SSPN: variants seen among roughly 807,000 people sequenced by gnomAD.
The protein encoded by SSPN is K-ras oncogene-associated protein.
SSPN carries 15 observed loss-of-function variants against 19.1 expected under a neutral mutation model. That is an observed-to-expected ratio of 0.78 (90% confidence interval 0.52 to 1.21). SSPN has a LOEUF of 1.21. Ranked by LOEUF, SSPN falls within the 50% of genes most tolerant of loss-of-function variation. The pLI, the probability that SSPN is intolerant of heterozygous loss-of-function variation, is 0.00. For missense variants in SSPN, 291 were observed against 314.0 expected, an observed-to-expected ratio of 0.93 and a Z score of 0.55; for synonymous variants, 147 against 140.3, an observed-to-expected ratio of 1.05 and a Z score of -0.34.
At chr12:26,124,482 A>C (rs1050367438) in intron 1 of SSPN, 1 of 1,592,778 alleles carries the variant, frequency 6.3e-7, no homozygotes. Context: ...TTAACTACCC[A>C]TGCAGGTTAT....
At chr12:26,217,010 A>T (rs1411145483) in intron 1 of SSPN, among the ~76,000 whole-genome samples, 3 of 147,346 alleles carry the variant, frequency 2.0e-5, no homozygotes. Flanking sequence ...AGGTAGTGTG[A>T]TGCCTCCAGC....
In SSPN at chr12:26,233,452, A is replaced by G. The variant is rs1945256984; in HGVS notation, c.*2376A>G. On this transcript the variant is annotated 3_prime_UTR_variant, in exon 3 of 3. Coordinates refer to ENST00000242729, the MANE Select transcript of SSPN (RefSeq NM_005086.5). The surrounding 1 kb of genome is among the most constrained non-coding windows in gnomAD (Gnocchi z 4.3). ...CTTAAGTCCCCAAGGAAAAAAAATC[A>G]TAAACAAATAGAAAGAACTAAACAG... 6.6e-6 allele frequency: 1 copy of G among 152,100 alleles called. No homozygotes were observed. Among genetic ancestry groups the G allele is most frequent in the Admixed American group, 6.6e-5 (1 of 15,264 alleles). 9.4% of individuals were successfully genotyped at this position (152,100 alleles called of 1,614,324 possible).
chr12:26,139,255 A>C (rs1944445969), intron 1 of SSPN, among the ~76,000 whole-genome samples: 1 of 152,194 alleles, frequency 6.6e-6, no homozygotes, highest in Non-Finnish European at 1.5e-5. Context: ...CTATGAGTGC[A>C]ATTAATTCCC....
Position 26,122,156 on chromosome 12 carries a change from G to A in SSPN, c.-31+4G>A, listed in dbSNP as rs562259562. 5.2e-6 allele frequency: 8 copies of A among 1,541,342 alleles called. No individual in the cohort carries two copies. In the South Asian group the frequency reaches 6.0e-5, roughly 12 times the overall value. The stretch of plus-strand genomic sequence containing the variant: ...CGCGGGGCCCGGCGAAGGGCAGGTG[G>A]GTGCGGCCGTGCGGGTGCTGGGGGT... On this transcript the variant is annotated splice_donor_region_variant and intron_variant, in intron 1 of 2. Transcript: ENST00000538142.
At chr12:26,205,438 A>C (rs1474297875) in intron 1 of SSPN, among the ~76,000 whole-genome samples, 2 of 152,112 alleles carry the variant, frequency 1.3e-5, no homozygotes, top group Non-Finnish European at 2.9e-5. Flanking sequence ...TAAGTGGGGG[A>C]AAAAACACTT....
In SSPN at chr12:26,211,891, C is replaced by T. The variant is rs531843320; in HGVS notation, c.280-12402C>T. Reference sequence around the variant, plus strand: ...AAGTAGTTTCAAACAATGACAAAACCTACCACTTTGAATTAGAAAGCATGT... The same window carrying T: ...AAGTAGTTTCAAACAATGACAAAACTTACCACTTTGAATTAGAAAGCATGT... On this transcript the variant is annotated intron_variant, in intron 1 of 2. Coordinates refer to ENST00000242729, the MANE Select transcript of SSPN (RefSeq NM_005086.5). Among the ~76,000 whole-genome samples, 10 of 152,280 alleles carry T rather than the reference C, an allele frequency of 6.6e-5. No homozygotes were observed. The South Asian group carries it at 1.9e-3, about 28-fold the overall frequency.
chr12:26,210,240 A>G (rs1182966718), intron 1 of SSPN, among the ~76,000 whole-genome samples: 2 of 152,092 alleles, frequency 1.3e-5, no homozygotes, highest in Admixed American at 6.6e-5. Context: ...CAGACTTTAT[A>G]TCATTTTATT....
At chr12:26,205,405 C>G (rs1361284740) in intron 1 of SSPN, among the ~76,000 whole-genome samples, 1 of 152,116 alleles carries the variant, frequency 6.6e-6, no homozygotes, top group Admixed American at 6.6e-5. Flanking sequence ...CTTTGACGAG[C>G]GAGAGAATTT....
chr12:26,224,401 T>C, intron 2 of SSPN, 22 bp downstream of exon 2: 4 of 1,554,430 alleles, frequency 2.6e-6, no homozygotes, highest in Non-Finnish European at 3.6e-6. Flanking sequence ...TTGTTCTTTC[T>C]CTTTTATCAT....
At chr12:26,174,137 AAAAT>A (rs1246804732) in intron 1 of SSPN, among the ~76,000 whole-genome samples, 1 of 152,202 alleles carries the variant, frequency 6.6e-6, no homozygotes, top group Non-Finnish European at 1.5e-5. Context: ...GTAAAGGTGA[AAAAT>A]AAATCAGGAA....
At chr12:26,156,455 G>A (rs1419413964) in intron 1 of SSPN, among the ~76,000 whole-genome samples, 1 of 152,074 alleles carries the variant, frequency 6.6e-6, no homozygotes, top group East Asian at 1.9e-4. Context: ...GAGAAAGGGA[G>A]GACCACAGAG....
At chr12:26,122,482 C>G in intron 1 of SSPN, 1 of 1,329,388 alleles carries the variant, frequency 7.5e-7, no homozygotes, top group Non-Finnish European at 9.7e-7. Flanking sequence ...CAGAAGGGGG[C>G]CGCGGCGGCC....
intron 1 of SSPN, among the ~76,000 whole-genome samples, chr12:26,179,062 A>C (rs775749062): frequency 6.6e-6 from 1 of 152,172 alleles, no homozygotes; most frequent in Non-Finnish European, 1.5e-5. Context: ...GCAAAGTTGA[A>C]GCCCTGGGAA....
rs549460045 is a variant in SSPN, at chr12:26,234,372, A to T, written c.*3296A>T. 9 of 152,272 alleles carry T rather than the reference A, an allele frequency of 5.9e-5. No homozygotes were observed. In the South Asian group the frequency reaches 1.9e-3, roughly 32 times the overall value. 9.4% of individuals were successfully genotyped at this position (152,272 alleles called of 1,614,324 possible). ...TCTGAACCGTTGCTACATAGCCATA[A>T]ATTTCTGTAAATCATGTTGGCTATC... is the stretch of plus-strand genomic sequence containing the variant. On this transcript the variant is annotated 3_prime_UTR_variant, in exon 3 of 3. Transcript: ENST00000242729.
chr12:26,135,520 T>A (rs1258989985), intron 1 of SSPN, among the ~76,000 whole-genome samples: 3 of 152,064 alleles, frequency 2.0e-5, no homozygotes, highest in Non-Finnish European at 4.4e-5. Context: ...GCGCTACGAA[T>A]GTGGAGGAAT....
rs557164123 is a variant in SSPN, at chr12:26,233,692, A to G, written c.*2616A>G. ...TACATTTAAAATCTGACAAGGCGCC[A>G]AGATGGTGACTGTCTCCTCTAAACC... On this transcript the variant is annotated 3_prime_UTR_variant, in exon 3 of 3. Coordinates refer to ENST00000242729, the MANE Select transcript of SSPN (RefSeq NM_005086.5). The surrounding 1 kb of genome is among the most constrained non-coding windows in gnomAD (Gnocchi z 4.3). The G allele has an allele frequency of 2.0e-5, 3 of 152,234 alleles. No individual in the cohort carries two copies. Among genetic ancestry groups the G allele is most frequent in the Admixed American group, 1.3e-4 (2 of 15,284 alleles). The allele number at this position is 152,234 out of a possible 1,614,324, so 9.4% of individuals were successfully genotyped here.
chr12:26,125,530 T>A (rs1279132017), intron 1 of SSPN: 2 of 154,018 alleles, frequency 1.3e-5, no homozygotes, highest in East Asian at 3.8e-4. Context: ...GAGGGACTCC[T>A]TGGCGCTGGG....
chr12:26,194,168 G>A (rs972831985), upstream of SSPN, among the ~76,000 whole-genome samples: 9 of 152,082 alleles, frequency 5.9e-5, no homozygotes, highest in African/African-American at 1.7e-4. Context: ...TAGTGGTTTC[G>A]CTGAAATTTG....
At chr12:26,122,926 C>G (rs1293006232) in intron 1 of SSPN, 10 of 1,550,636 alleles carry the variant, frequency 6.4e-6, no homozygotes, top group Middle Eastern at 1.8e-4. Context: ...GCCGCGGACC[C>G]GGCGGCCGAG....
Sources: allele counts gnomAD v4.1 joint callset (sites outside exome capture counted in the v4.1 genomes callset), GRCh38; gene constraint gnomAD v4.1.1; non-coding constraint Gnocchi (gnomAD v3.1); transcripts MANE v1.5; gene names NCBI Gene and HGNC (gene_info 2026-07-23, HGNC 2026-07-21).